The following DIS3L2 variants were observed in gnomAD, a reference collection of about 807,000 sequenced individuals.
DIS3L2 encodes the protein DIS3 like 3'-5' exoribonuclease 2.
DIS3L2 carries 34 observed loss-of-function variants against 97.5 expected under a neutral mutation model. The observed-to-expected ratio is 0.35, with a 90% CI of 0.27 to 0.46. The LOEUF is 0.46. DIS3L2 is among the 20% of genes least tolerant of loss of function. The pLI is 1.00. For missense variants in DIS3L2, 1,038 were observed against 1,146.0 expected, an observed-to-expected ratio of 0.91 and a Z score of 1.36; for synonymous variants, 435 against 445.2, an observed-to-expected ratio of 0.98 and a Z score of 0.29.
In DIS3L2 at chr2:232,269,308, A is replaced by G. The variant is rs1693923809; in HGVS notation, c.1659+5868A>G. On this transcript the variant is annotated intron_variant, in intron 13 of 20. Transcript: ENST00000325385. This position sits in a 1 kb window ranked among gnomAD's most constrained non-coding sequence, Gnocchi z 4.5. ...GAGCATTCCAGCTCTGCTGTTTAAT[A>G]TTTGTACCATATATTTGATCCAAGG... 6.6e-6 allele frequency among the ~76,000 whole-genome samples: 1 copy of G among 152,160 alleles called. No individual in the cohort carries two copies. Among genetic ancestry groups the G allele is most frequent in the Non-Finnish European group, 1.5e-5 (1 of 68,030 alleles).
intron 1 of DIS3L2, among the ~76,000 whole-genome samples, chr2:231,973,437 G>T (rs35717928): frequency 0.13 from 20,326 of 152,134 alleles, 1,845 homozygotes; most frequent in South Asian, 0.34. Flanking sequence ...TTAATATTGG[G>T]ACAGAAGCAA....
At chr2:232,205,597 C>T (rs537773050) in intron 9 of DIS3L2, among the ~76,000 whole-genome samples, 6 of 152,076 alleles carry the variant, frequency 3.9e-5, no homozygotes, top group Non-Finnish European at 7.4e-5. Flanking sequence ...CCACCGTGCC[C>T]AGCAAGTGTT....
chr2:232,228,778 A>G (rs1692714193), intron 10 of DIS3L2, among the ~76,000 whole-genome samples: 1 of 152,224 alleles, frequency 6.6e-6, no homozygotes, highest in Admixed American at 6.5e-5. Context: ...ACTCTTTACC[A>G]AGTAACACAC....
At chr2:232,258,258 C>G (rs963094128) in intron 12 of DIS3L2, among the ~76,000 whole-genome samples, 2 of 152,104 alleles carry the variant, frequency 1.3e-5, no homozygotes, top group African/African-American at 4.8e-5. Context: ...ACTCACCTGC[C>G]TACAGAAGAG....
At chr2:232,006,168 C>T (rs756190057) in intron 1 of DIS3L2, among the ~76,000 whole-genome samples, 4 of 152,136 alleles carry the variant, frequency 2.6e-5, no homozygotes, top group South Asian at 2.1e-4. Flanking sequence ...GCTTGGGCGA[C>T]AGAGCGAGAC....
At chr2:231,969,674 C>T (rs1692837031) in intron 1 of DIS3L2, among the ~76,000 whole-genome samples, 1 of 152,164 alleles carries the variant, frequency 6.6e-6, no homozygotes, top group African/African-American at 2.4e-5. Context: ...TCTGTGAATA[C>T]AGTTTTAATT....
chr2:232,102,660 G>A (rs1289899553), intron 6 of DIS3L2, among the ~76,000 whole-genome samples: 1 of 152,148 alleles, frequency 6.6e-6, no homozygotes, highest in Non-Finnish European at 1.5e-5. Context: ...TGAATCAATA[G>A]GTGTTCATAA....
chr2:232,278,486 G>T (rs899268469), intron 13 of DIS3L2, among the ~76,000 whole-genome samples: 2 of 152,096 alleles, frequency 1.3e-5, no homozygotes, highest in South Asian at 2.1e-4. Flanking sequence ...CCTAGCCTCA[G>T]CCCCTGGCAA....
chr2:232,339,206 C>G (rs1696055525), downstream of DIS3L2, among the ~76,000 whole-genome samples: 1 of 152,250 alleles, frequency 6.6e-6, no homozygotes, highest in South Asian at 2.1e-4. Context: ...ACTGGAATTA[C>G]ACAGCCTGGG....
intron 14 of DIS3L2, among the ~76,000 whole-genome samples, chr2:232,322,109 G>A (rs1177982988): frequency 1.3e-5 from 2 of 152,196 alleles, no homozygotes; most frequent in Admixed American, 1.3e-4. Context: ...CTGACCCCTG[G>A]GCAGCAATGT....
Position 232,264,944 on chromosome 2 carries a change from G to A in DIS3L2, c.1659+1504G>A, listed in dbSNP as rs141666507. 1.6e-4 allele frequency among the ~76,000 whole-genome samples: 25 copies of A among 152,328 alleles called. No individual in the cohort carries two copies. The East Asian group carries it at 1.9e-3, about 12-fold the overall frequency. On this transcript the variant is annotated intron_variant, in intron 13 of 20. Transcript: ENST00000325385. Reference sequence around the variant, plus strand: ...GGGCAGCCTGAGCAGGCCTGTCTGCGTGAGAATGCTGACAGGGAGACAAGA... The same window carrying A: ...GGGCAGCCTGAGCAGGCCTGTCTGCATGAGAATGCTGACAGGGAGACAAGA...
At chr2:232,246,040 C>G (rs937517761) in intron 11 of DIS3L2, among the ~76,000 whole-genome samples, 1 of 152,182 alleles carries the variant, frequency 6.6e-6, no homozygotes, top group Non-Finnish European at 1.5e-5. Flanking sequence ...TAGAGAGAGA[C>G]AGGAGTGAGG....
chr2:232,266,175 G>A (rs1279270365), intron 13 of DIS3L2, among the ~76,000 whole-genome samples: 1 of 152,224 alleles, frequency 6.6e-6, no homozygotes, highest in Non-Finnish European at 1.5e-5. Flanking sequence ...CAGCTCATAT[G>A]AGGATAGGGT....
intron 1 of DIS3L2, among the ~76,000 whole-genome samples, chr2:231,993,237 C>A (rs918745668): frequency 1.4e-5 from 2 of 147,722 alleles, no homozygotes; most frequent in African/African-American, 2.5e-5. Context: ...ATGAAGTTAT[C>A]TTTTTTTTTT....
intron 10 of DIS3L2, among the ~76,000 whole-genome samples, chr2:232,229,649 C>T (rs1385485089): frequency 6.6e-6 from 1 of 152,190 alleles, no homozygotes; most frequent in Non-Finnish European, 1.5e-5. Context: ...CCTGGGTGTT[C>T]CTCATACATG....
chr2:232,153,616 C>G (rs1174015844), intron 8 of DIS3L2, among the ~76,000 whole-genome samples: 1 of 95,060 alleles, frequency 1.1e-5, no homozygotes, highest in African/African-American at 4.6e-5. Flanking sequence ...CGACCTTTCT[C>G]TCTGGCTGCC....
At chr2:232,134,075 G>A (rs967780026) in intron 7 of DIS3L2, among the ~76,000 whole-genome samples, 1 of 151,706 alleles carries the variant, frequency 6.6e-6, no homozygotes, top group South Asian at 2.1e-4. Context: ...TATTGGATAG[G>A]CTCAGTAGTA....
In DIS3L2 at chr2:232,121,491, C is replaced by T. The variant is rs181147871; in HGVS notation, c.602-9128C>T. On this transcript the variant is annotated intron_variant, in intron 6 of 20. Coordinates refer to ENST00000325385, the MANE Select transcript of DIS3L2 (RefSeq NM_152383.5). The stretch of plus-strand genomic sequence containing the variant: ...TGACTCCCTTATTTCTGTTTCCAGC[C>T]CAGACCTTCCTTTCTTTGAAGTGCC... Among the ~76,000 whole-genome samples, 8 of 152,274 alleles carry T rather than the reference C, an allele frequency of 5.3e-5. No homozygotes were observed. The East Asian group carries it at 1.5e-3, about 29-fold the overall frequency.
At chr2:232,242,305 A>C (rs1399694012) in intron 11 of DIS3L2, among the ~76,000 whole-genome samples, 1 of 152,210 alleles carries the variant, frequency 6.6e-6, no homozygotes, top group Non-Finnish European at 1.5e-5. Context: ...CAATTCTCAG[A>C]CTGCAGATAT....
Sources: allele counts gnomAD v4.1 joint callset (sites outside exome capture counted in the v4.1 genomes callset), GRCh38; gene constraint gnomAD v4.1.1; non-coding constraint Gnocchi (gnomAD v3.1); transcripts MANE v1.5; gene names NCBI Gene and HGNC (gene_info 2026-07-23, HGNC 2026-07-21).